The following BPTF variants were observed in gnomAD, a reference collection of about 807,000 sequenced individuals.
The protein encoded by BPTF is nucleosome-remodeling factor subunit BPTF.
A neutral mutation model predicts 292.5 loss-of-function variants in BPTF; 18 were observed. The observed-to-expected ratio is 0.06, with a 90% CI of 0.04 to 0.09. The LOEUF is 0.09. Among genes scored for constraint, BPTF ranks in the 10% least tolerant of loss-of-function variants. The pLI, the probability that BPTF is intolerant of heterozygous loss-of-function variation, is 1.00. For missense variants in BPTF, 2,726 were observed against 3,498.7 expected, an observed-to-expected ratio of 0.78 and a Z score of 5.57; for synonymous variants, 1,225 against 1,251.9, an observed-to-expected ratio of 0.98 and a Z score of 0.45.
At chr17:67,831,162 G>C (rs906774582) in intron 1 of BPTF, among the ~76,000 whole-genome samples, 1 of 152,138 alleles carries the variant, frequency 6.6e-6, no homozygotes, top group African/African-American at 2.4e-5. Context: ...ATAGCTGGTG[G>C]GTTTTGTAGC....
At chr17:67,951,427 C>T (rs1317554655) in intron 23 of BPTF, 2 of 152,198 alleles carry the variant, frequency 1.3e-5, no homozygotes, top group Non-Finnish European at 2.9e-5. Context: ...GATTGGTCAT[C>T]AGTGTTTCTC....
At chr17:67,881,505 T>G (rs1259582384) in intron 4 of BPTF, among the ~76,000 whole-genome samples, 19 of 144,608 alleles carry the variant, frequency 1.3e-4, no homozygotes, top group Admixed American at 1.1e-3. Flanking sequence ...TTTTTTTTTT[T>G]TTTTTTTTTT....
chr17:67,939,689 A>G (rs141195114), intron 18 of BPTF, among the ~76,000 whole-genome samples: 2,500 of 152,330 alleles, frequency 0.016, 64 homozygotes, highest in African/African-American at 0.052. Flanking sequence ...CATCCTGACT[A>G]ACATGGTGAA....
rs767818477 is a variant in BPTF, at chr17:67,913,038, G to A, written c.5154G>A (p.Lys1718=). 1.9e-6 allele frequency: 3 copies of A among 1,614,186 alleles called. No homozygotes were observed. The highest frequency in any genetic ancestry group is 1.7e-5 in the Admixed American group (1 of 60,010). Reference sequence around the variant, plus strand: ...AATTTGTTACCAAGAGCAGCAAGAAGAGCATTTTTGTTTTGCCTAATGATG... The same window carrying A: ...AATTTGTTACCAAGAGCAGCAAGAAAAGCATTTTTGTTTTGCCTAATGATG... ...YRKFVTKSSK[K]SIFVLPNDDL... Residue 1718 remains lysine (K), a synonymous_variant, in exon 11 of 28, where the codon AAG becomes AAA. Transcript: ENST00000306378.
chr17:67,877,900 C>G (rs1456849609), intron 4 of BPTF, among the ~76,000 whole-genome samples: 1 of 152,222 alleles, frequency 6.6e-6, no homozygotes, highest in Non-Finnish European at 1.5e-5. Context: ...CTCAAAAGTG[C>G]TGGGATTACA....
intron 1 of BPTF, among the ~76,000 whole-genome samples, chr17:67,849,876 C>T (rs1192181734): frequency 3.3e-5 from 5 of 151,846 alleles, no homozygotes; most frequent in African/African-American, 7.3e-5. Flanking sequence ...AGGTGACAGA[C>T]GTTGCAGTGA....
At chr17:67,904,873 C>A (rs368433751) in intron 9 of BPTF, 33 bp downstream of exon 9, 33 of 1,531,488 alleles carry the variant, frequency 2.2e-5, no homozygotes, top group Non-Finnish European at 2.9e-5. Context: ...CCTGCATAAT[C>A]GTTTCTGCTT....
chr17:67,888,340 G>T (rs1050858600), intron 4 of BPTF, among the ~76,000 whole-genome samples: 1 of 152,022 alleles, frequency 6.6e-6, no homozygotes, highest in East Asian at 1.9e-4. Context: ...TGTAATCCCA[G>T]CACTTTGGGA....
chr17:67,973,037 TTA>T (rs202136205), intron 26 of BPTF, among the ~76,000 whole-genome samples: 297 of 143,080 alleles, frequency 2.1e-3, no homozygotes, highest in African/African-American at 5.1e-3. Flanking sequence ...ATATATATAT[TTA>T]TATATATATA....
At chr17:67,914,065 C>CT (rs1223420279) in intron 11 of BPTF, among the ~76,000 whole-genome samples, 1 of 152,136 alleles carries the variant, frequency 6.6e-6, no homozygotes, top group Non-Finnish European at 1.5e-5. Context: ...CATGAGAGTT[C>CT]TGGGAACATC....
intron 23 of BPTF, among the ~76,000 whole-genome samples, chr17:67,954,774 C>A (rs2066760113): frequency 6.6e-6 from 1 of 152,082 alleles, no homozygotes; most frequent in Non-Finnish European, 1.5e-5. Context: ...TCCCAAAATC[C>A]GTCCCATGAT....
At chr17:67,914,990 C>G (rs1023153927) in intron 11 of BPTF, among the ~76,000 whole-genome samples, 5 of 152,200 alleles carry the variant, frequency 3.3e-5, no homozygotes, top group African/African-American at 9.6e-5. Flanking sequence ...GTAAATTGAT[C>G]ATGACTTTAG....
At chr17:67,947,930 C>T (rs2065933571) in intron 22 of BPTF, 122 bp downstream of exon 22, 1 of 1,221,612 alleles carries the variant, frequency 8.2e-7, no homozygotes, top group East Asian at 2.4e-5. Context: ...ACACTTGGCA[C>T]TAATAGTTAC....
intron 27 of BPTF, among the ~76,000 whole-genome samples, chr17:67,981,019 C>T (rs1190876648): frequency 6.6e-6 from 1 of 152,088 alleles, no homozygotes; most frequent in African/African-American, 2.4e-5. Context: ...ATTAGCCGGG[C>T]ATGGTGGCAT....
chr17:67,847,243 G>C (rs1296637364), intron 1 of BPTF, among the ~76,000 whole-genome samples: 1 of 152,156 alleles, frequency 6.6e-6, no homozygotes, highest in East Asian at 1.9e-4. Context: ...GGCCAGGCGT[G>C]TTAGCTCACA....
At position 67,911,055 on chromosome 17, in the gene BPTF, A is replaced by T. The variant is rs1393072840; in HGVS notation, c.3171A>T (p.Ser1057=). 4 of 1,614,012 alleles carry T rather than the reference A, an allele frequency of 2.5e-6. No individual in the cohort carries two copies. In the Admixed American group the frequency reaches 6.7e-5, roughly 27 times the overall value. The change falls in exon 11 of 28, where the codon TCA becomes TCT. Residue 1057 remains serine (S), a synonymous_variant. Transcript: ENST00000306378. Reference sequence around the variant, plus strand: ...CTAGTTACAAAAAGAAAACAAAATCATCCAAACTAGATGGACTTCTTGAAA... The same window carrying T: ...CTAGTTACAAAAAGAAAACAAAATCTTCCAAACTAGATGGACTTCTTGAAA... ...LRTSYKKKTK[S]SKLDGLLERR... is the part of the protein sequence containing the mutation.
At chr17:67,976,708 A>T (rs1219737982) in intron 27 of BPTF, among the ~76,000 whole-genome samples, 5 of 142,006 alleles carry the variant, frequency 3.5e-5, no homozygotes, top group Admixed American at 7.3e-5. Context: ...AAAAAAAAAA[A>T]AAAAAAATAA....
At position 67,825,760 on chromosome 17, in the gene BPTF, C is replaced by G. The variant is rs868242186; in HGVS notation, c.36C>G (p.Pro12=). 5,017 of 1,046,566 alleles carry G rather than the reference C, an allele frequency of 4.8e-3. 210 individuals are homozygous for G. In the African/African-American group the frequency reaches 0.079, roughly 17 times the overall value. 64.8% of individuals were successfully genotyped at this position (1,046,566 alleles called of 1,614,324 possible). A position where few individuals can be genotyped will look rare whatever the true frequency, so the allele number is the denominator to read the frequency against. ...GGCGGGGCAGGCCGCCCAAGCAGCC[C>G]GCGGCTCCCGCTGCGGAGCGCTGCG... ...RGRRGRPPKQ[P]AAPAAERCAP... The change falls in exon 1 of 28, where the codon CCC becomes CCG. Residue 12 remains proline (P), a synonymous_variant. Coordinates refer to ENST00000306378, the MANE Select transcript of BPTF (RefSeq NM_182641.4).
chr17:67,915,477 C>T (rs1023670405), intron 11 of BPTF, among the ~76,000 whole-genome samples: 2 of 152,170 alleles, frequency 1.3e-5, no homozygotes, highest in South Asian at 4.1e-4. Context: ...TATACATACC[C>T]TTTAATGCTC....
Sources: gnomAD v4.1 joint callset for allele counts (sites outside exome capture counted in the v4.1 genomes callset) on GRCh38, gnomAD v4.1.1 for gene constraint, MANE v1.5 for transcripts, NCBI Gene and HGNC (gene_info 2026-07-23, HGNC 2026-07-21) for gene names.